Variants in TENM3 observed in about 807,000 individuals in gnomAD.
TENM3 encodes teneurin-3.
TENM3 carries 63 observed loss-of-function variants against 255.1 expected under a neutral mutation model. That is an observed-to-expected ratio of 0.25 (90% CI 0.20 to 0.30). The LOEUF (loss-of-function observed/expected upper bound fraction) is 0.30. Ranked by LOEUF, TENM3 falls within the 10% of genes least tolerant of loss-of-function variation. The pLI is 1.00. For synonymous variants in TENM3, 1,306 were observed against 1,322.3 expected, an observed-to-expected ratio of 0.99 and a Z score of 0.27; for missense variants, 2,929 against 3,461.1, an observed-to-expected ratio of 0.85 and a Z score of 3.86.
chr4:181,560,530 C>A, the TENM3 span, among the ~76,000 whole-genome samples: 1 of 152,214 alleles, frequency 6.6e-6, no homozygotes, highest in Admixed American at 6.5e-5. Flanking sequence ...AACTCCCAAT[C>A]TGCCTTCCCG....
At chr4:181,721,599 CAAAAAAAAAAAA>C in the TENM3 span, among the ~76,000 whole-genome samples, 34 of 25,586 alleles carry the variant, frequency 1.3e-3, 1 homozygote, top group Admixed American at 0.02. Flanking sequence ...GACTCCGTCT[CAAAAAAAAAAAA>C]AAAAAAAAAA....
the TENM3 span, among the ~76,000 whole-genome samples, chr4:182,058,183 A>AT: frequency 3.8e-4 from 55 of 143,960 alleles, no homozygotes; most frequent in Middle Eastern, 3.7e-3. Context: ...GCAATTTTTT[A>AT]TTTTTTTAGG....
At chr4:182,696,393 G>C (rs555778100) in intron 12 of TENM3, among the ~76,000 whole-genome samples, 1 of 152,116 alleles carries the variant, frequency 6.6e-6, no homozygotes, top group African/African-American at 2.4e-5. Context: ...CAAAAATATA[G>C]GAAAAATGTT....
At chr4:182,559,727 T>G (rs575430234) in intron 3 of TENM3, among the ~76,000 whole-genome samples, 1 of 152,310 alleles carries the variant, frequency 6.6e-6, no homozygotes, top group South Asian at 2.1e-4. Context: ...TTACACCTCT[T>G]GCTTTTATTG....
chr4:182,708,989 G>GT (rs1248846338), intron 12 of TENM3, among the ~76,000 whole-genome samples: 5 of 151,814 alleles, frequency 3.3e-5, no homozygotes, highest in Admixed American at 6.6e-5. Context: ...GTTTTTTGTG[G>GT]TTTTTTATTT....
intron 1 of TENM3, among the ~76,000 whole-genome samples, chr4:182,303,295 C>T (rs141944823): frequency 2.0e-5 from 3 of 152,336 alleles, no homozygotes. Context: ...GCCTTCTCAA[C>T]TGTGTGATTT....
chr4:182,800,471 G>A lies in TENM3; in HGVS notation c.*120G>A. 1.6e-6 allele frequency: 2 copies of A among 1,251,878 alleles called. No individual in the cohort carries two copies. The highest frequency in any genetic ancestry group is 2.1e-6 in the Non-Finnish European group (2 of 935,052). 77.5% of individuals were successfully genotyped at this position (1,251,878 alleles called of 1,614,324 possible). The stretch of plus-strand genomic sequence containing the variant: ...CCCGGGGGAATGAGACTGCTGTTAC[G>A]ACCCACACCCACACCGCGAAAACAA... On this transcript the variant is annotated 3_prime_UTR_variant, in exon 28 of 28. Transcript: ENST00000511685.
At chr4:181,620,435 G>C in the TENM3 span, among the ~76,000 whole-genome samples, 1 of 152,058 alleles carries the variant, frequency 6.6e-6, no homozygotes, top group Admixed American at 6.6e-5. Flanking sequence ...TTATACACGT[G>C]TTTCTCAGCC....
At chr4:181,821,845 A>C in the TENM3 span, among the ~76,000 whole-genome samples, 2 of 152,194 alleles carry the variant, frequency 1.3e-5, no homozygotes, top group Admixed American at 6.5e-5. Context: ...GGTTCTATTC[A>C]TACTCAGTTA....
the TENM3 span, among the ~76,000 whole-genome samples, chr4:182,121,318 G>A: frequency 1.3e-5 from 2 of 152,088 alleles, no homozygotes; most frequent in Non-Finnish European, 2.9e-5. Flanking sequence ...ATTTTAAAAG[G>A]TGCACTCTGG....
chr4:182,501,366 C>G (rs1382907339), intron 3 of TENM3, among the ~76,000 whole-genome samples: 3 of 75,798 alleles, frequency 4.0e-5, no homozygotes, highest in African/African-American at 1.0e-4. Context: ...AAAGCTATGT[C>G]TAAAAGTGGG....
chr4:181,762,467 T>C, the TENM3 span, among the ~76,000 whole-genome samples: 46 of 152,236 alleles, frequency 3.0e-4, no homozygotes, highest in African/African-American at 1.0e-3. Context: ...TTAGAAAAGG[T>C]CACTGTAAGC....
intron 3 of TENM3, among the ~76,000 whole-genome samples, chr4:182,376,098 T>G (rs1287646910): frequency 6.6e-6 from 1 of 152,232 alleles, no homozygotes; most frequent in Non-Finnish European, 1.5e-5. Context: ...TCTTGAGTAC[T>G]CGAATTCGTC....
chr4:182,204,379 T>G (rs1403314632), intron 1 of TENM3, among the ~76,000 whole-genome samples: 1 of 152,224 alleles, frequency 6.6e-6, no homozygotes, highest in Non-Finnish European at 1.5e-5. Flanking sequence ...AAACGTTTAC[T>G]CCAAACTAAT....
At chr4:181,945,538 C>T in the TENM3 span, among the ~76,000 whole-genome samples, 6 of 152,006 alleles carry the variant, frequency 3.9e-5, no homozygotes, top group Admixed American at 1.3e-4. Context: ...CTGCCCGAGA[C>T]TTCTTCTGTA....
chr4:181,492,046 C>T, the TENM3 span, among the ~76,000 whole-genome samples: 1 of 152,096 alleles, frequency 6.6e-6, no homozygotes. Context: ...AGTAGGTAAA[C>T]TTTTTTGTCA....
At chr4:181,498,189 TA>T in the TENM3 span, among the ~76,000 whole-genome samples, 2 of 151,974 alleles carry the variant, frequency 1.3e-5, no homozygotes, top group African/African-American at 4.8e-5. Context: ...GCCTTACCCC[TA>T]AAAAAAGATA....
chr4:182,528,230 G>C (rs1257787516), intron 3 of TENM3, among the ~76,000 whole-genome samples: 1 of 152,090 alleles, frequency 6.6e-6, no homozygotes, highest in African/African-American at 2.4e-5. Flanking sequence ...CAACTCTCCT[G>C]CCTCACCCTC....
chr4:182,725,585 TTA>T (rs2152701892), intron 13 of TENM3, among the ~76,000 whole-genome samples: 1 of 152,052 alleles, frequency 6.6e-6, no homozygotes, highest in East Asian at 1.9e-4. Flanking sequence ...TTTGATAAAT[TTA>T]TATGAAATTT....
Sources: gnomAD v4.1 joint callset for allele counts (sites outside exome capture counted in the v4.1 genomes callset) on GRCh38, gnomAD v4.1.1 for gene constraint, MANE v1.5 for transcripts, NCBI Gene and HGNC (gene_info 2026-07-23, HGNC 2026-07-21) for gene names.